PHKA1: variants seen among roughly 807,000 people sequenced by gnomAD.
PHKA1 encodes the protein phosphorylase b kinase regulatory subunit alpha, skeletal muscle isoform.
A neutral mutation model predicts 110.2 loss-of-function variants in PHKA1; 60 were observed. The observed-to-expected ratio is 0.54, with a 90% CI of 0.44 to 0.68. PHKA1 has a LOEUF of 0.68. PHKA1 is among the 30% of genes least tolerant of loss of function. The probability of loss-of-function intolerance (pLI) is 0.00; values close to 1 mark genes in which losing one functional copy is unlikely to be tolerated. For missense variants in PHKA1, 801 were observed against 942.5 expected (o/e 0.85, Z 1.97); for synonymous variants, 316 against 333.6 (o/e 0.95, Z 0.58).
At position 72,580,668 on chromosome X, in the gene PHKA1, G is replaced by C. The variant is rs908794668; in HGVS notation, c.*334C>G. 3 of 279,802 alleles carry C rather than the reference G, an allele frequency of 1.1e-5. No homozygotes were observed. In the Admixed American group the frequency reaches 1.7e-4, roughly 16 times the overall value. 23.1% of individuals were successfully genotyped at this position (279,802 alleles called of 1,213,427 possible). On this transcript the variant is annotated 3_prime_UTR_variant, in exon 32 of 32. Coordinates refer to ENST00000373542, the MANE Select transcript of PHKA1 (RefSeq NM_002637.4). The stretch of plus-strand genomic sequence containing the variant: ...TTATTAACACTTGCTCCCCAAACAG[G>C]AGTTAGAAAACTATATTGGTAACAG...
intron 28 of PHKA1, among the ~76,000 whole-genome samples, chrX:72,594,583 T>A: frequency 8.9e-6 from 1 of 112,463 alleles, no homozygotes; most frequent in Non-Finnish European, 1.9e-5. Flanking sequence ...TAAAGAAAGA[T>A]AACATCTTAA....
intron 8 of PHKA1, among the ~76,000 whole-genome samples, chrX:72,665,140 A>T (rs1407587534): frequency 1.8e-5 from 2 of 111,824 alleles, no homozygotes; most frequent in East Asian, 5.5e-4. Context: ...AAATAAACAA[A>T]ATTGGCAAAC....
rs782428840 is a variant in PHKA1, at chrX:72,582,508, C to A, written c.3388G>T (p.Ala1130Ser). Residue 1130 changes from alanine to serine, a missense_variant, in exon 31 of 32, where the codon GCC (alanine) becomes TCC (serine). By Grantham distance (99) the Ala-to-Ser change is moderately conservative. Transcript: ENST00000373542. ...QPEYRQLLVE[A>S]ILVLTMLADI... ...GCCAGCATGGTGAGGACAAGGATGG[C>A]TTCAACCAGCAGCTGACGGTACTCT... 5 of 1,197,889 alleles carry A rather than the reference C, an allele frequency of 4.2e-6. No individual in the cohort carries two copies. The highest frequency in any genetic ancestry group is 5.7e-6 in the Non-Finnish European group (5 of 884,108).
At chrX:72,581,291 C>A in intron 31 of PHKA1, 116 bp from the exon 32 acceptor site, 1 of 525,212 alleles carries the variant, frequency 1.9e-6, no homozygotes, top group Non-Finnish European at 3.4e-6. Flanking sequence ...ATTAGTTGGG[C>A]CCTAGACTGT....
chrX:72,643,284 T>A (rs782143549), intron 14 of PHKA1, among the ~76,000 whole-genome samples: 3 of 111,241 alleles, frequency 2.7e-5, no homozygotes, highest in Non-Finnish European at 3.8e-5. Context: ...CACACACATA[T>A]ACAAACTAAC....
Position 72,581,100 on chromosome X carries a change from C to T in PHKA1, c.3574G>A (p.Ala1192Thr). ...ATGGTGCCAAACCTGCCACTGGGTG[C>T]ACTGTCATACAGAAGAGTACAGATG... ...SGICTLLYDS[A>T]PSGRFGTMTY... The change falls in exon 32 of 32, where the codon GCA becomes ACA. Residue 1192 changes from alanine to threonine, a missense_variant. Coordinates refer to ENST00000373542, the MANE Select transcript of PHKA1 (RefSeq NM_002637.4). The T allele has an allele frequency of 8.4e-7, 1 of 1,193,817 alleles. No homozygotes were observed. The highest frequency in any genetic ancestry group is 1.1e-6 in the Non-Finnish European group (1 of 879,202).
chrX:72,661,504 T>C (rs782221047), intron 8 of PHKA1, among the ~76,000 whole-genome samples: 1 of 110,826 alleles, frequency 9.0e-6, no homozygotes, highest in South Asian at 3.9e-4. Flanking sequence ...ATTTTATATT[T>C]CTGCATCTTA....
In PHKA1 at chrX:72,603,136, A is replaced by G; in HGVS notation, c.2900T>C (p.Phe967Ser). The G allele has an allele frequency of 5.0e-6, 6 of 1,200,246 alleles. No individual in the cohort carries two copies. The highest frequency in any genetic ancestry group is 6.8e-6 in the Non-Finnish European group (6 of 885,368). Residue 967 changes from phenylalanine (F) to serine (S), a missense_variant, in exon 26 of 32, where the codon TTT becomes TCT. Phe to Ser is a radical substitution (Grantham distance 155, BLOSUM62 -2). Around this residue, in one of 2 missense-constraint regions of PHKA1, gnomAD observed 502 missense variants for 519.2 expected, o/e 0.97. Transcript: ENST00000373542. The stretch of plus-strand genomic sequence containing the variant: ...AATCTCACCGCTTCGTTCCACTCCA[A>G]ACTCCTTGCCGCTGAGAATGTGATG... ...LLHHILSGKE[F>S]GVERSVRPTD...
chrX:72,626,980 C>T lies in PHKA1; in HGVS notation c.1784G>A (p.Gly595Asp). ...TATAGAGGTCACTTACCTTGCCCCACCAAAATACCCATCTTGCATTTTTCG... is the reference window on the plus strand; with the variant it reads ...TATAGAGGTCACTTACCTTGCCCCATCAAAATACCCATCTTGCATTTTTCG... Reference protein sequence around the residue: ...ALRKMQDGYFGGARVQTGKLS... With the variant: ...ALRKMQDGYFDGARVQTGKLS... The change falls in exon 17 of 32, where the codon GGT (glycine) becomes GAT (aspartate). Residue 595 changes from glycine (G) to aspartate (D), a missense_variant. Physicochemically the swap from Gly to Asp is moderately conservative, Grantham distance 94. Transcript: ENST00000373542. 8.3e-7 allele frequency: 1 copy of T among 1,203,758 alleles called. No homozygotes were observed. Among genetic ancestry groups the T allele is most frequent in the South Asian group, 1.8e-5 (1 of 56,813 alleles).
intron 13 of PHKA1, among the ~76,000 whole-genome samples, chrX:72,647,023 T>C (rs1254644799): frequency 9.2e-6 from 1 of 109,082 alleles, no homozygotes; most frequent in Non-Finnish European, 1.9e-5. Flanking sequence ...TCCCAGCTAC[T>C]CCGGAGGCTG....
intron 28 of PHKA1, among the ~76,000 whole-genome samples, chrX:72,601,228 T>C (rs782536393): frequency 4.5e-5 from 5 of 112,052 alleles, no homozygotes; most frequent in Non-Finnish European, 7.5e-5. Context: ...GCACCTTTTC[T>C]ACATCTTGTT....
chrX:72,589,089 C>A (rs1427286761), intron 29 of PHKA1, among the ~76,000 whole-genome samples: 9 of 111,691 alleles, frequency 8.1e-5, no homozygotes, highest in African/African-American at 2.6e-4. Context: ...AGGCCAGCAT[C>A]AGCCTGATAC....
At chrX:72,658,788 C>T (rs544670763) in intron 8 of PHKA1, among the ~76,000 whole-genome samples, 1 of 112,247 alleles carries the variant, frequency 8.9e-6, no homozygotes, top group Admixed American at 9.4e-5. Context: ...CTTCTCAGTG[C>T]ATTGTATGAG....
intron 21 of PHKA1, among the ~76,000 whole-genome samples, chrX:72,612,610 G>C (rs781815228): frequency 7.2e-5 from 8 of 111,677 alleles, no homozygotes; most frequent in African/African-American, 2.6e-4. Flanking sequence ...TCAATAAGAG[G>C]CTGGCTAAGT....
intron 6 of PHKA1, among the ~76,000 whole-genome samples, chrX:72,674,306 C>A (rs1209515567): frequency 9.1e-6 from 1 of 110,076 alleles, no homozygotes; most frequent in Non-Finnish European, 1.9e-5. Flanking sequence ...ATTTATAATC[C>A]TTTGGGTATA....
At chrX:72,655,996 G>T in intron 10 of PHKA1, 124 bp downstream of exon 10, 1 of 747,116 alleles carries the variant, frequency 1.3e-6, no homozygotes, top group Non-Finnish European at 2.1e-6. Flanking sequence ...CTAGTAGCCT[G>T]TAGGGAACAA....
chrX:72,652,541 TA>T lies in PHKA1; in HGVS notation c.1245+2del. The stretch of plus-strand genomic sequence containing the variant: ...GTGGGACAGCCTTGAAGATTCCTCT[TA>T]CCTCTGCCATCAAGCTTCCTAAAAT... On this transcript the variant is annotated splice_donor_variant, in intron 12 of 31. Transcript: ENST00000373542. LOFTEE classifies it high-confidence loss of function. 9.2e-7 allele frequency: 1 copy of T among 1,082,404 alleles called. No homozygotes were observed. The allele number at this position is 1,082,404 out of a possible 1,213,427, so 89.2% of individuals were successfully genotyped here.
At chrX:72,649,985 C>G (rs1169987790) in intron 13 of PHKA1, among the ~76,000 whole-genome samples, 1 of 100,675 alleles carries the variant, frequency 9.9e-6, no homozygotes, top group Non-Finnish European at 2.0e-5. Context: ...GAAAGAGACT[C>G]CCTCTCAAAA....
rs146517898 is a variant in PHKA1 at position 72,653,368 on chromosome X, A to C, written c.1137+67T>G. ...GATTAAAAATTATTTGACTCAAATG[A>C]GGTAGTCTGATCAAGGTACTGCTCC... On this transcript the variant is annotated intron_variant, in intron 11 of 31. Transcript: ENST00000373542. The C allele has an allele frequency of 8.9e-4, 591 of 665,626 alleles. 2 individuals are homozygous for C. The African/African-American group carries it at 0.012, about 13-fold the overall frequency. The allele number at this position is 665,626 out of a possible 1,213,427, so 54.9% of individuals were successfully genotyped here.
Sources: allele counts gnomAD v4.1 joint callset (sites outside exome capture counted in the v4.1 genomes callset), GRCh38; gene constraint gnomAD v4.1.1; regional missense constraint gnomAD v4.1.1; transcripts MANE v1.5; gene names NCBI Gene and HGNC (gene_info 2026-07-23, HGNC 2026-07-21).